Variants in NF1 observed in about 807,000 individuals in gnomAD.
NF1 encodes the protein neurofibromin.
In NF1, 122 loss-of-function variants were observed where a neutral mutation model predicts 325.7. That is an observed-to-expected ratio of 0.37 (90% CI 0.32 to 0.44). NF1 has a LOEUF of 0.44. NF1 is among the 20% of genes least tolerant of loss of function. The pLI is 1.00. For missense variants in NF1, 2,140 were observed against 3,415.4 expected (o/e 0.63, Z 9.31); for synonymous variants, 1,091 against 1,186.0 (o/e 0.92, Z 1.65).
chr17:31,100,008 T>TAAA (rs71142016), intron 1 of NF1, among the ~76,000 whole-genome samples: 3 of 130,762 alleles, frequency 2.3e-5, no homozygotes, highest in Non-Finnish European at 3.1e-5. Flanking sequence ...ATATTTGAAC[T>TAAA]AAAAAAAAAA....
At chr17:31,313,403 G>T (rs2068933186) in intron 36 of NF1, among the ~76,000 whole-genome samples, 1 of 151,948 alleles carries the variant, frequency 6.6e-6, no homozygotes, top group South Asian at 2.1e-4. Flanking sequence ...CTAAAACTAA[G>T]GTTAACAAAT....
chr17:31,260,560 A>G, intron 34 of NF1, 45 bp downstream of exon 34: 1 of 1,599,938 alleles, frequency 6.3e-7, no homozygotes, highest in South Asian at 1.1e-5. Context: ...CTCCGTTTAA[A>G]TTTAGATTAA....
chr17:31,312,837 C>A (rs1272844286), intron 36 of NF1, among the ~76,000 whole-genome samples: 1 of 150,104 alleles, frequency 6.7e-6, no homozygotes, highest in Non-Finnish European at 1.5e-5. Context: ...CCTGAAATTA[C>A]AAGTCTATGT....
chr17:31,337,486 C>T lies in NF1; in HGVS notation c.6546C>T (p.Tyr2182=), dbSNP rs876659768. ...CTGTCATTGCCTTCCGTTCCAGTTACCGGGACAGGTCATTCTCTCCTGGCT... is the reference window on the plus strand; with the variant it reads ...CTGTCATTGCCTTCCGTTCCAGTTATCGGGACAGGTCATTCTCTCCTGGCT... ...SAAVIAFRSS[Y]RDRSFSPGSY... Residue 2182 remains tyrosine, a synonymous_variant, in exon 43 of 58, where the codon TAC becomes TAT. Coordinates refer to ENST00000358273, the MANE Select transcript of NF1 (RefSeq NM_001042492.3). The T allele has an allele frequency of 9.3e-6, 15 of 1,614,018 alleles. No individual in the cohort carries two copies. Among genetic ancestry groups the T allele is most frequent in the Non-Finnish European group, 1.3e-5 (15 of 1,179,998 alleles).
At chr17:31,280,225 A>T (rs12103564) in intron 36 of NF1, among the ~76,000 whole-genome samples, 66,874 of 148,256 alleles carry the variant, frequency 0.45, 16,939 homozygotes, top group African/African-American at 0.72. Context: ...TTTTTTTTTT[A>T]AAAAAGAAAG....
chr17:31,373,039 A>AAC (rs2070675096), intron 57 of NF1, among the ~76,000 whole-genome samples: 2 of 152,320 alleles, frequency 1.3e-5, no homozygotes, highest in South Asian at 4.1e-4. Context: ...AATCATTGTT[A>AAC]GGCCCAGGTT....
chr17:31,330,524 A>G (rs769641163), intron 39 of NF1, 26 bp downstream of exon 39: 7 of 1,475,220 alleles, frequency 4.7e-6, no homozygotes, highest in Non-Finnish European at 5.7e-6. Flanking sequence ...TTTCTTTAAT[A>G]CTAACAATTA....
At chr17:31,241,613 GCAAA>G (rs1169471889) in intron 29 of NF1, among the ~76,000 whole-genome samples, 2 of 152,252 alleles carry the variant, frequency 1.3e-5, no homozygotes, top group Non-Finnish European at 2.9e-5. Context: ...GCATAAAGCA[GCAAA>G]CAAAGAAGCA....
At chr17:31,242,748 G>A (rs1034245010) in intron 29 of NF1, among the ~76,000 whole-genome samples, 10 of 152,214 alleles carry the variant, frequency 6.6e-5, no homozygotes, top group African/African-American at 2.2e-4. Flanking sequence ...TGACTCCTCG[G>A]TCTGAGAGGT....
chr17:31,288,076 TATA>T (rs1410297046), intron 36 of NF1, among the ~76,000 whole-genome samples: 1 of 151,498 alleles, frequency 6.6e-6, no homozygotes, highest in Non-Finnish European at 1.5e-5. Flanking sequence ...AAACTTAAAG[TATA>T]ATAATAATAA....
At chr17:31,318,142 T>G (rs1483805421) in intron 36 of NF1, 25 of 800,210 alleles carry the variant, frequency 3.1e-5, no homozygotes, top group Non-Finnish European at 4.2e-5. Flanking sequence ...GTTTAAATAA[T>G]TAAGCAGGCA....
In NF1 at chr17:31,335,274, TTA is replaced by T. The variant is rs1172994332; in HGVS notation, c.6006+264_6006+265del. On this transcript the variant is annotated intron_variant, in intron 40 of 57. Coordinates refer to ENST00000358273, the MANE Select transcript of NF1 (RefSeq NM_001042492.3). ...TTGCACAGTCTCCTTCAAGGCATAA[TTA>T]TATATATATATATATATATAATTAT... is the stretch of plus-strand genomic sequence containing the variant. 7.5e-4 allele frequency among the ~76,000 whole-genome samples: 5 copies of T among 6,700 alleles called. 1 individual carries two copies. Among genetic ancestry groups the T allele is most frequent in the African/African-American group, 1.1e-3 (3 of 2,838 alleles). The allele number at this position is 6,700 out of a possible 152,430, so 4.4% of individuals were successfully genotyped here.
rs1567850679 is a variant in NF1, at chr17:31,232,118, T to A, written c.3243T>A (p.Ala1081=). ...ASMEAVVSLL[A]GLPLQPEEGD... is the part of the protein sequence containing the mutation. ...TGGAAGCAGTAGTTTCACTTCTAGC[T>A]GGTCTCCCTCTGCAGCCTGAAGAAG... The change falls in exon 25 of 58, where the codon GCT becomes GCA. Residue 1081 remains alanine (A), a synonymous_variant. Transcript: ENST00000358273. 1.9e-6 allele frequency: 3 copies of A among 1,587,988 alleles called. No homozygotes were observed. Among genetic ancestry groups the A allele is most frequent in the Non-Finnish European group, 2.6e-6 (3 of 1,165,736 alleles).
chr17:31,219,243 A>G, intron 14 of NF1, 125 bp downstream of exon 14: 2 of 958,900 alleles, frequency 2.1e-6, no homozygotes, highest in South Asian at 3.1e-5. Flanking sequence ...TGGTATGTTT[A>G]TGTCTATACA....
In NF1 at chr17:31,248,993, A is replaced by G. The variant is rs1183749811; in HGVS notation, c.3984A>G (p.Pro1328=). 6.2e-7 allele frequency: 1 copy of G among 1,614,122 alleles called. No homozygotes were observed. The highest frequency in any genetic ancestry group is 8.5e-7 in the Non-Finnish European group (1 of 1,179,984). ...TTTTATTTTTTTGTAGGTTAGAACC[A>G]TCAGAGAGCCTTGAGGAAAACCAGC... ...SFEVDPTRLE[P]SESLEENQRN... The change falls in exon 30 of 58, where the codon CCA becomes CCG. Residue 1328 remains proline (P), a synonymous_variant. Coordinates refer to ENST00000358273, the MANE Select transcript of NF1 (RefSeq NM_001042492.3).
chr17:31,239,043 A>G (rs770343886), intron 29 of NF1, among the ~76,000 whole-genome samples: 1 of 152,236 alleles, frequency 6.6e-6, no homozygotes, highest in Non-Finnish European at 1.5e-5. Context: ...ATTACAATGC[A>G]TGCTAACAAA....
chr17:31,373,470 T>C (rs538045464), intron 57 of NF1, among the ~76,000 whole-genome samples: 1 of 152,370 alleles, frequency 6.6e-6, no homozygotes, highest in East Asian at 1.9e-4. Context: ...CTTTTCATTT[T>C]TCTTGTGCTA....
intron 4 of NF1, among the ~76,000 whole-genome samples, chr17:31,165,403 TA>T (rs1412859446): frequency 6.6e-6 from 1 of 152,180 alleles, no homozygotes; most frequent in Non-Finnish European, 1.5e-5. Context: ...GAGCTGATCT[TA>T]CTGAAGGATC....
At chr17:31,360,773 G>C in intron 57 of NF1, 70 bp downstream of exon 57, 1 of 1,399,570 alleles carries the variant, frequency 7.1e-7, no homozygotes, top group South Asian at 1.2e-5. Flanking sequence ...ATTCCCTTGT[G>C]ATCAGTTTAT....
Sources: gnomAD v4.1 joint callset for allele counts (sites outside exome capture counted in the v4.1 genomes callset) on GRCh38, gnomAD v4.1.1 for gene constraint, MANE v1.5 for transcripts, NCBI Gene and HGNC (gene_info 2026-07-23, HGNC 2026-07-21) for gene names.